CDH20: variants seen among roughly 807,000 people sequenced by gnomAD.
CDH20 encodes cadherin-20.
A neutral mutation model predicts 74.2 loss-of-function variants in CDH20; 29 were observed. The observed-to-expected ratio is 0.39, with a 90% CI of 0.29 to 0.53. The LOEUF (loss-of-function observed/expected upper bound fraction) is 0.53, where lower values mean the gene tolerates loss of function less well. CDH20 is among the 20% of genes least tolerant of loss of function. The probability of loss-of-function intolerance (pLI) is 0.69; values close to 1 mark genes in which losing one functional copy is unlikely to be tolerated. For missense variants in CDH20, 988 were observed against 1,048.3 expected, an observed-to-expected ratio of 0.94 and a Z score of 0.79; for synonymous variants, 469 against 405.4, an observed-to-expected ratio of 1.16 and a Z score of -1.88.
chr18:61,490,059 A>G (rs1244563976), intron 1 of CDH20, among the ~76,000 whole-genome samples: 1 of 152,174 alleles, frequency 6.6e-6, no homozygotes, highest in Admixed American at 6.5e-5. Flanking sequence ...AGAGTTTAAG[A>G]GCCTGTCTGA....
chr18:61,524,842 A>G (rs539345470), intron 6 of CDH20, among the ~76,000 whole-genome samples: 2 of 152,108 alleles, frequency 1.3e-5, no homozygotes, highest in South Asian at 4.2e-4. Context: ...AGTCGCCTGA[A>G]CCCGGGAGGC....
chr18:61,470,228 G>T (rs1306306992), intron 1 of CDH20, among the ~76,000 whole-genome samples: 2 of 152,188 alleles, frequency 1.3e-5, no homozygotes, highest in African/African-American at 4.8e-5. Flanking sequence ...TGTGATTACA[G>T]GGTCGCATCT....
intron 1 of CDH20, among the ~76,000 whole-genome samples, chr18:61,384,305 G>T (rs927956647): frequency 1.3e-5 from 2 of 152,122 alleles, no homozygotes; most frequent in Admixed American, 6.5e-5. Flanking sequence ...ACGAAAATAA[G>T]AATTGTATTG....
chr18:61,526,961 A>T, intron 6 of CDH20, among the ~76,000 whole-genome samples: 1 of 152,162 alleles, frequency 6.6e-6, no homozygotes, highest in East Asian at 1.9e-4. Flanking sequence ...TGGGTGGATC[A>T]TCTGAGATCA....
At chr18:61,552,743 C>T (rs1316529773) in intron 11 of CDH20, among the ~76,000 whole-genome samples, 1 of 152,224 alleles carries the variant, frequency 6.6e-6, no homozygotes, top group African/African-American at 2.4e-5. Context: ...CCATGTCACA[C>T]TCAATATTGT....
At chr18:61,527,908 G>T in intron 6 of CDH20, 59 bp from the exon 7 acceptor site, 1 of 1,566,498 alleles carries the variant, frequency 6.4e-7, no homozygotes, top group Non-Finnish European at 8.8e-7. Context: ...TTTGAACGTT[G>T]ACATATTTTG....
At chr18:61,446,979 A>G (rs1909223554) in intron 1 of CDH20, among the ~76,000 whole-genome samples, 1 of 152,182 alleles carries the variant, frequency 6.6e-6, no homozygotes, top group African/African-American at 2.4e-5. Flanking sequence ...GCAATATCCA[A>G]CGTTTTTCAA....
At position 61,364,372 on chromosome 18, in the gene CDH20, G is replaced by T. The variant is rs142395926; in HGVS notation, c.-153+30545G>T. Among the ~76,000 whole-genome samples the T allele has an allele frequency of 4.2e-3, 636 of 152,228 alleles. 9 individuals are homozygous for T. Among genetic ancestry groups the T allele is most frequent in the African/African-American group, 0.015 (603 of 41,526 alleles). ...TTGTTGCCCAGGCTGGAGTGCAATG[G>T]CGTGATCTTGGCTCACCACAACCTC... On this transcript the variant is annotated intron_variant, in intron 1 of 11. Transcript: ENST00000262717.
intron 6 of CDH20, among the ~76,000 whole-genome samples, chr18:61,527,659 A>C (rs946033815): frequency 1.4e-4 from 22 of 152,260 alleles, no homozygotes; most frequent in African/African-American, 5.3e-4. Flanking sequence ...AGGCTGATTG[A>C]AGGGTAGACA....
chr18:61,526,909 G>C (rs1912433473), intron 6 of CDH20, among the ~76,000 whole-genome samples: 1 of 152,136 alleles, frequency 6.6e-6, no homozygotes, highest in Non-Finnish European at 1.5e-5. Context: ...AGCAGGGTGT[G>C]GTGGCTTATG....
At chr18:61,421,683 G>C (rs193092520) in intron 1 of CDH20, among the ~76,000 whole-genome samples, 38 of 152,214 alleles carry the variant, frequency 2.5e-4, no homozygotes, top group African/African-American at 9.1e-4. Flanking sequence ...TGGGGTGGTA[G>C]ATATATATAC....
At position 61,521,140 on chromosome 18, in the gene CDH20, G is replaced by C. The variant is rs1236032203; in HGVS notation, c.1018-6827G>C. 2.7e-5 allele frequency among the ~76,000 whole-genome samples: 4 copies of C among 150,670 alleles called. 1 individual carries two copies. Among genetic ancestry groups the C allele is most frequent in the South Asian group, 2.1e-4 (1 of 4,806 alleles). ...AAAAAATCATTGAATCCAGGAGCTG[G>C]TTTTTTGAAAAGATTAACAAAATAG... On this transcript the variant is annotated intron_variant, in intron 6 of 11. Transcript: ENST00000262717.
chr18:61,548,889 T>G (rs1418211488), intron 10 of CDH20, among the ~76,000 whole-genome samples: 1 of 152,218 alleles, frequency 6.6e-6, no homozygotes, highest in East Asian at 1.9e-4. Context: ...AATCCTTTAT[T>G]ATGTCCAAAA....
intron 1 of CDH20, among the ~76,000 whole-genome samples, chr18:61,372,992 G>A (rs899449271): frequency 1.3e-5 from 2 of 152,080 alleles, no homozygotes; most frequent in African/African-American, 4.8e-5. Flanking sequence ...CCAAAAGGAG[G>A]CTGAATGGAC....
intron 1 of CDH20, among the ~76,000 whole-genome samples, chr18:61,464,246 G>A (rs934538477): frequency 4.0e-5 from 6 of 151,704 alleles, no homozygotes; most frequent in African/African-American, 1.5e-4. Context: ...GCATGTTTAT[G>A]CTTCTAACTT....
rs1200893658 is a variant in CDH20 at position 61,521,822 on chromosome 18, C to G, written c.1018-6145C>G. On this transcript the variant is annotated intron_variant, in intron 6 of 11. Transcript: ENST00000262717. Reference sequence around the variant, plus strand: ...ACATAAACAGAACCAATGACAAAAACCACATGATTATCTCAATAGTGCAGA... The same window carrying G: ...ACATAAACAGAACCAATGACAAAAAGCACATGATTATCTCAATAGTGCAGA... Among the ~76,000 whole-genome samples the G allele has an allele frequency of 1.3e-5, 2 of 152,144 alleles. 1 individual carries two copies. The highest frequency in any genetic ancestry group is 4.8e-5 in the African/African-American group (2 of 41,430).
intron 1 of CDH20, among the ~76,000 whole-genome samples, chr18:61,472,850 C>A (rs1910233473): frequency 1.3e-5 from 2 of 152,138 alleles, no homozygotes; most frequent in Non-Finnish European, 2.9e-5. Context: ...GGTTATTAAG[C>A]AAAGCAAATT....
chr18:61,346,936 G>A (rs958822839), intron 1 of CDH20, among the ~76,000 whole-genome samples: 89 of 151,984 alleles, frequency 5.9e-4, no homozygotes, highest in African/African-American at 2.1e-3. Flanking sequence ...TCCGTCTGGG[G>A]TGCTGGCATG....
At chr18:61,350,089 C>T (rs969249219) in intron 1 of CDH20, among the ~76,000 whole-genome samples, 2 of 152,070 alleles carry the variant, frequency 1.3e-5, no homozygotes, top group Admixed American at 6.6e-5. Context: ...CATGCCGTTG[C>T]TCCTGCTTGT....
Sources: gnomAD v4.1 joint callset for allele counts (sites outside exome capture counted in the v4.1 genomes callset) on GRCh38, gnomAD v4.1.1 for gene constraint, MANE v1.5 for transcripts, NCBI Gene and HGNC (gene_info 2026-07-23, HGNC 2026-07-21) for gene names.